Variants in VWA8 observed in about 807,000 individuals in gnomAD.
The protein encoded by VWA8 is von Willebrand factor A domain containing 8.
A neutral mutation model predicts 241.5 loss-of-function variants in VWA8; 221 were observed. The observed-to-expected ratio is 0.91, with a 90% CI of 0.82 to 1.02. The LOEUF (loss-of-function observed/expected upper bound fraction) is 1.02. VWA8 is among the 50% of genes least tolerant of loss of function. The probability of loss-of-function intolerance (pLI) is 0.00; values close to 1 mark genes in which losing one functional copy is unlikely to be tolerated. For missense variants in VWA8, 2,322 were observed against 2,328.7 expected (o/e 1.00, Z 0.06); for synonymous variants, 852 against 827.1 (o/e 1.03, Z -0.52).
intron 37 of VWA8, among the ~76,000 whole-genome samples, chr13:41,631,304 G>A (rs1050091520): frequency 6.6e-6 from 1 of 152,166 alleles, no homozygotes; most frequent in Admixed American, 6.6e-5. Flanking sequence ...ACAGGCATGA[G>A]TCACTGTGCC....
intron 36 of VWA8, among the ~76,000 whole-genome samples, chr13:41,672,758 A>C (rs2045034456): frequency 6.6e-6 from 1 of 152,224 alleles, no homozygotes; most frequent in African/African-American, 2.4e-5. Flanking sequence ...AGAAGGGCTC[A>C]AAGAAGGTAA....
At chr13:41,757,578 A>G (rs1040585002) in intron 21 of VWA8, among the ~76,000 whole-genome samples, 3 of 151,606 alleles carry the variant, frequency 2.0e-5, no homozygotes, top group Non-Finnish European at 4.4e-5. Flanking sequence ...TTAGTTTTCA[A>G]TCCTTGCTCC....
chr13:41,743,867 A>ATT (rs371269824), intron 21 of VWA8, among the ~76,000 whole-genome samples: 83 of 152,304 alleles, frequency 5.4e-4, no homozygotes, highest in African/African-American at 1.9e-3. Flanking sequence ...GAACTCAATA[A>ATT]AAGTTTGTTG....
intron 34 of VWA8, among the ~76,000 whole-genome samples, chr13:41,686,621 T>C (rs1366471376): frequency 2.6e-5 from 4 of 152,172 alleles, no homozygotes; most frequent in African/African-American, 4.8e-5. Flanking sequence ...TGGTTCATTC[T>C]AGTTTTCTTC....
At chr13:41,709,771 C>T (rs34250067) in intron 26 of VWA8, among the ~76,000 whole-genome samples, 36,916 of 143,784 alleles carry the variant, frequency 0.26, 4,578 homozygotes, top group Non-Finnish European at 0.27. Flanking sequence ...GTCTCTCTCT[C>T]TTTTTTTTTT....
chr13:41,658,346 C>T (rs1245248580), intron 37 of VWA8, among the ~76,000 whole-genome samples: 3 of 152,214 alleles, frequency 2.0e-5, no homozygotes, highest in African/African-American at 7.2e-5. Flanking sequence ...GTTTATTTGT[C>T]CTGAGCATTT....
At chr13:41,818,571 A>G (rs759355021) in intron 15 of VWA8, among the ~76,000 whole-genome samples, 48 of 151,900 alleles carry the variant, frequency 3.2e-4, no homozygotes, top group Admixed American at 1.7e-3. Context: ...TCAAACAAAT[A>G]ATAATAATAA....
chr13:41,912,332 T>C (rs1225906487), intron 2 of VWA8, among the ~76,000 whole-genome samples, 164 bp from the exon 3 acceptor site: 1 of 151,902 alleles, frequency 6.6e-6, no homozygotes, highest in Non-Finnish European at 1.5e-5. Flanking sequence ...AACATATGCA[T>C]ATGTTTATCT....
chr13:41,881,592 C>T (rs1325715569), intron 9 of VWA8, among the ~76,000 whole-genome samples: 5 of 149,926 alleles, frequency 3.3e-5, no homozygotes, highest in East Asian at 2.0e-4. Context: ...ACCTCCCAGA[C>T]GGGGTGGTGG....
At chr13:41,882,687 G>A (rs1203957299) in intron 9 of VWA8, among the ~76,000 whole-genome samples, 4 of 152,212 alleles carry the variant, frequency 2.6e-5, no homozygotes, top group Admixed American at 1.3e-4. Flanking sequence ...GCCTGCAATC[G>A]CAGGCACTCG....
chr13:41,913,558 T>A (rs1876111759), intron 2 of VWA8, among the ~76,000 whole-genome samples: 1 of 152,220 alleles, frequency 6.6e-6, no homozygotes, highest in Non-Finnish European at 1.5e-5. Context: ...CTTCTAGTGC[T>A]TCTCCTCCTC....
chr13:41,573,973 A>ATTGT (rs1477822851), intron 43 of VWA8, among the ~76,000 whole-genome samples: 5 of 152,170 alleles, frequency 3.3e-5, no homozygotes, highest in Non-Finnish European at 5.9e-5. Context: ...GTTCAACTGG[A>ATTGT]TTGTTTGTAA....
intron 14 of VWA8, among the ~76,000 whole-genome samples, chr13:41,825,418 G>C (rs1453101458): frequency 6.6e-6 from 1 of 152,022 alleles, no homozygotes; most frequent in Non-Finnish European, 1.5e-5. Flanking sequence ...TGGAACAAGA[G>C]CTTTAAAGCC....
chr13:41,942,161 TTA>T (rs1489708323), intron 2 of VWA8, among the ~76,000 whole-genome samples: 2 of 152,178 alleles, frequency 1.3e-5, no homozygotes, highest in African/African-American at 4.8e-5. Flanking sequence ...GGTGAAGAAT[TTA>T]TGTCATTAGT....
chr13:41,721,414 G>A lies in VWA8; in HGVS notation c.2920C>T (p.Pro974Ser). ...TTGACAACTTCTCTGGTAGAATAAG[G>A]ATAGTTAATAATCCCTTGGTCAGCC... ...SLADQGIINY[P>S]YSTREVVNIV... The change falls in exon 25 of 45, where the codon CCT becomes TCT. Residue 974 changes from proline to serine, a missense_variant. By Grantham distance (74) the Pro-to-Ser change is moderately conservative. Transcript: ENST00000379310. 6.2e-7 allele frequency: 1 copy of A among 1,613,852 alleles called. No individual in the cohort carries two copies. The highest frequency in any genetic ancestry group is 1.3e-5 in the African/African-American group (1 of 75,010).
chr13:41,613,451 T>C (rs1380150501), intron 38 of VWA8, among the ~76,000 whole-genome samples: 1 of 152,198 alleles, frequency 6.6e-6, no homozygotes, highest in Non-Finnish European at 1.5e-5. Flanking sequence ...ACTCCTTTCC[T>C]ACAGGAGGGT....
At chr13:41,715,822 A>G (rs975688392) in intron 26 of VWA8, among the ~76,000 whole-genome samples, 6 of 152,130 alleles carry the variant, frequency 3.9e-5, no homozygotes, top group African/African-American at 1.2e-4. Flanking sequence ...TACATGCAAC[A>G]CACACATATA....
chr13:41,603,043 G>C (rs2044531170), intron 40 of VWA8, among the ~76,000 whole-genome samples: 1 of 152,048 alleles, frequency 6.6e-6, no homozygotes, highest in Admixed American at 6.6e-5. Context: ...CTCCACAGAG[G>C]AAGATAATAA....
intron 40 of VWA8, among the ~76,000 whole-genome samples, chr13:41,591,067 T>C (rs2044451401): frequency 6.6e-6 from 1 of 152,252 alleles, no homozygotes; most frequent in Non-Finnish European, 1.5e-5. Context: ...TTACAGATTT[T>C]CTGTCACGGT....
Sources: allele counts gnomAD v4.1 joint callset (sites outside exome capture counted in the v4.1 genomes callset), GRCh38; gene constraint gnomAD v4.1.1; transcripts MANE v1.5; gene names NCBI Gene and HGNC (gene_info 2026-07-23, HGNC 2026-07-21).